ERBB4: variants seen among roughly 807,000 people sequenced by gnomAD.
ERBB4 encodes erb-b2 receptor tyrosine kinase 4, also known as receptor tyrosine-protein kinase erbB-4.
In ERBB4, 42 loss-of-function variants were observed where a neutral mutation model predicts 158.0. The ratio of observed to expected loss-of-function variants is 0.27; its 90% CI spans 0.21 to 0.34. The LOEUF is 0.34. Ranked by LOEUF, ERBB4 falls within the 10% of genes least tolerant of loss-of-function variation. The pLI is 1.00. For missense variants in ERBB4, 1,333 were observed against 1,624.1 expected, an observed-to-expected ratio of 0.82 and a Z score of 3.08; for synonymous variants, 583 against 558.7, an observed-to-expected ratio of 1.04 and a Z score of -0.61.
chr2:211,837,668 C>A (rs184181803), intron 3 of ERBB4, among the ~76,000 whole-genome samples: 1 of 152,028 alleles, frequency 6.6e-6, no homozygotes, highest in South Asian at 2.1e-4. Flanking sequence ...ACTCAGTAGT[C>A]TCCACATCTT....
intron 3 of ERBB4, among the ~76,000 whole-genome samples, chr2:211,825,018 A>G (rs180790507): frequency 6.6e-6 from 1 of 152,112 alleles, no homozygotes; most frequent in East Asian, 1.9e-4. Context: ...TTATGATTGC[A>G]TTATGAATGA....
At chr2:212,144,029 A>AG (rs1553568295) in intron 1 of ERBB4, among the ~76,000 whole-genome samples, 2 of 150,342 alleles carry the variant, frequency 1.3e-5, no homozygotes, top group African/African-American at 5.0e-5. Context: ...AAAAAAAAAA[A>AG]AAGAAGAAAC....
chr2:211,389,847 T>TA (rs921179592), intron 25 of ERBB4, among the ~76,000 whole-genome samples: 29 of 152,174 alleles, frequency 1.9e-4, no homozygotes, highest in Admixed American at 1.3e-4. Context: ...TACACTATTA[T>TA]AAAAATGTAA....
In ERBB4 at chr2:212,342,343, C is replaced by T. The variant is rs112297307; in HGVS notation, c.82+196106G>A. ...CTGAATCATGGGGGTGGGTTTTTCC[C>T]GTGCTGTTCTCATGAAAGTGAATAA... On this transcript the variant is annotated intron_variant, in intron 1 of 27. Coordinates refer to ENST00000342788, the MANE Select transcript of ERBB4 (RefSeq NM_005235.3). 4.6e-5 allele frequency among the ~76,000 whole-genome samples: 7 copies of T among 151,990 alleles called. No individual in the cohort carries two copies. In the East Asian group the frequency reaches 9.6e-4, roughly 21 times the overall value.
At chr2:211,963,202 G>A (rs920226010) in intron 2 of ERBB4, among the ~76,000 whole-genome samples, 15 of 152,002 alleles carry the variant, frequency 9.9e-5, no homozygotes, top group African/African-American at 3.4e-4. Context: ...GTCATCTTTG[G>A]TGAGGGGTGG....
intron 1 of ERBB4, among the ~76,000 whole-genome samples, chr2:212,379,790 C>G (rs1294547416): frequency 1.3e-5 from 2 of 150,954 alleles, no homozygotes; most frequent in East Asian, 3.9e-4. Flanking sequence ...TTTTTCTTTT[C>G]TCTCTCTCCT....
chr2:212,088,955 GA>G (rs2078694442), intron 2 of ERBB4, among the ~76,000 whole-genome samples: 1 of 152,056 alleles, frequency 6.6e-6, no homozygotes, highest in Non-Finnish European at 1.5e-5. Context: ...AGGAAAAGAT[GA>G]GGGGGACCTG....
At chr2:212,179,819 A>G (rs2081799134) in intron 1 of ERBB4, among the ~76,000 whole-genome samples, 1 of 151,618 alleles carries the variant, frequency 6.6e-6, no homozygotes, top group Non-Finnish European at 1.5e-5. Flanking sequence ...AGTTGATCCT[A>G]TTGAATTACT....
At chr2:211,749,908 T>G (rs1427071028) in intron 5 of ERBB4, among the ~76,000 whole-genome samples, 1 of 152,190 alleles carries the variant, frequency 6.6e-6, no homozygotes, top group Non-Finnish European at 1.5e-5. Context: ...TGTTTACCAC[T>G]TGTATAGGAC....
intron 19 of ERBB4, among the ~76,000 whole-genome samples, chr2:211,605,304 T>C (rs564943639): frequency 2.0e-4 from 31 of 152,292 alleles, no homozygotes; most frequent in African/African-American, 7.2e-4. Flanking sequence ...CTATTTTTAC[T>C]CATTATAGGA....
intron 2 of ERBB4, among the ~76,000 whole-genome samples, chr2:211,997,139 C>CCT (rs3037256): frequency 0.36 from 54,591 of 151,844 alleles, 11,629 homozygotes; most frequent in Non-Finnish European, 0.5. Flanking sequence ...ATTTAAACCC[C>CCT]GTTTGCCGGA....
At chr2:211,555,703 A>G (rs2067219102) in intron 20 of ERBB4, among the ~76,000 whole-genome samples, 1 of 152,222 alleles carries the variant, frequency 6.6e-6, no homozygotes, top group Non-Finnish European at 1.5e-5. Context: ...CCAACCAAGT[A>G]TTTCATATCC....
chr2:211,729,741 C>A (rs191645269), intron 5 of ERBB4, among the ~76,000 whole-genome samples: 1 of 151,908 alleles, frequency 6.6e-6, no homozygotes, highest in Admixed American at 6.6e-5. Context: ...GATAAGTCAG[C>A]CTCTATAGGA....
intron 1 of ERBB4, among the ~76,000 whole-genome samples, chr2:212,177,066 T>A (rs2081688975): frequency 6.6e-6 from 1 of 151,850 alleles, no homozygotes; most frequent in African/African-American, 2.4e-5. Flanking sequence ...AAAATACCCA[T>A]AAGTATTGTG....
rs573692549 is a variant in ERBB4 at position 212,148,075 on chromosome 2, C to T, written c.83-23172G>A. Among the ~76,000 whole-genome samples, 5 of 151,182 alleles carry T rather than the reference C, an allele frequency of 3.3e-5. No individual in the cohort carries two copies. The South Asian group carries it at 1.0e-3, about 32-fold the overall frequency. On this transcript the variant is annotated intron_variant, in intron 1 of 27. Coordinates refer to ENST00000342788, the MANE Select transcript of ERBB4 (RefSeq NM_005235.3). ...TAATGAACAATATGTTATTAGTAAA[C>T]TTATTTAAAGGTTCTATTTTATTAT...
intron 3 of ERBB4, among the ~76,000 whole-genome samples, chr2:211,827,762 A>G (rs185436216): frequency 1.3e-5 from 2 of 152,212 alleles, no homozygotes; most frequent in African/African-American, 4.8e-5. Context: ...GATGGCTATA[A>G]GACACATTCA....
rs116699381 is a variant in ERBB4, at chr2:212,315,932, C to T, written c.83-191029G>A. Among the ~76,000 whole-genome samples, 242 of 151,502 alleles carry T rather than the reference C, an allele frequency of 1.6e-3. 3 individuals are homozygous for T. The highest frequency in any genetic ancestry group is 5.6e-3 in the African/African-American group (231 of 41,438). Reference sequence around the variant, plus strand: ...AAGCTAAATATAAATTCACAGTCAGCTGCATTATTAAATTCATCTTAATCT... The same window carrying T: ...AAGCTAAATATAAATTCACAGTCAGTTGCATTATTAAATTCATCTTAATCT... On this transcript the variant is annotated intron_variant, in intron 1 of 27. Coordinates refer to ENST00000342788, the MANE Select transcript of ERBB4 (RefSeq NM_005235.3).
At chr2:211,456,718 A>T (rs1184087352) in intron 20 of ERBB4, among the ~76,000 whole-genome samples, 2 of 152,054 alleles carry the variant, frequency 1.3e-5, no homozygotes, top group Admixed American at 1.3e-4. Context: ...TTGGGAAAAA[A>T]CTGTCCCAAC....
chr2:211,725,266 T>C, intron 5 of ERBB4, 72 bp from the exon 6 acceptor site: 2 of 1,102,030 alleles, frequency 1.8e-6, no homozygotes, highest in Non-Finnish European at 2.8e-6. Flanking sequence ...AGTTCTGGAG[T>C]GACAATTTCT....
Sources: allele counts gnomAD v4.1 joint callset (sites outside exome capture counted in the v4.1 genomes callset), GRCh38; gene constraint gnomAD v4.1.1; transcripts MANE v1.5; gene names NCBI Gene and HGNC (gene_info 2026-07-23, HGNC 2026-07-21).